LARGE1: variants seen among roughly 807,000 people sequenced by gnomAD.
The protein encoded by LARGE1 is LARGE xylosyl- and glucuronyltransferase 1.
A neutral mutation model predicts 87.6 loss-of-function variants in LARGE1; 43 were observed. That is an observed-to-expected ratio of 0.49 (90% confidence interval 0.38 to 0.63). The LOEUF (loss-of-function observed/expected upper bound fraction) is 0.63. LARGE1 is among the 30% of genes least tolerant of loss of function. The pLI is 0.00. For missense variants in LARGE1, 802 were observed against 1,000.2 expected (o/e 0.80, Z 2.67); for synonymous variants, 434 against 394.6 (o/e 1.10, Z -1.18).
chr22:33,852,101 C>G (rs2063599758), intron 1 of LARGE1, among the ~76,000 whole-genome samples: 1 of 152,154 alleles, frequency 6.6e-6, no homozygotes, highest in South Asian at 2.1e-4. Flanking sequence ...TGGCTCTAAG[C>G]AGATAGCAGC....
intron 2 of LARGE1, among the ~76,000 whole-genome samples, chr22:33,694,377 C>T (rs1009093810): frequency 1.3e-5 from 2 of 152,212 alleles, no homozygotes; most frequent in Admixed American, 6.5e-5. Context: ...GTCCCTGTCA[C>T]AGTGTCACAC....
intron 6 of LARGE1, among the ~76,000 whole-genome samples, chr22:33,541,201 GAAAAAAA>G (rs11368503): frequency 7.5e-6 from 1 of 133,714 alleles, no homozygotes; most frequent in African/African-American, 2.8e-5. Context: ...GGGAAAAAAA[GAAAAAAA>G]AAAAAAAAGA....
At chr22:33,688,594 G>T (rs1283650790) in intron 2 of LARGE1, among the ~76,000 whole-genome samples, 1 of 152,088 alleles carries the variant, frequency 6.6e-6, no homozygotes, top group African/African-American at 2.4e-5. Flanking sequence ...CAGGTCATCT[G>T]CCTGCCTTGG....
chr22:33,578,971 G>C (rs2078432524), intron 5 of LARGE1, among the ~76,000 whole-genome samples: 1 of 152,196 alleles, frequency 6.6e-6, no homozygotes, highest in African/African-American at 2.4e-5. Context: ...CAAGTGGCCA[G>C]TAACGCTCTA....
At chr22:33,438,292 A>G (rs5998942) in intron 6 of LARGE1, among the ~76,000 whole-genome samples, 18 of 152,282 alleles carry the variant, frequency 1.2e-4, no homozygotes, top group African/African-American at 4.3e-4. Context: ...TGGCTTGCTC[A>G]GCATTCTGCA....
intron 11 of LARGE1, among the ~76,000 whole-genome samples, chr22:33,186,734 CAAAGT>C (rs910966366): frequency 5.9e-5 from 9 of 151,940 alleles, no homozygotes; most frequent in South Asian, 2.1e-4. Context: ...AAATCAAAAA[CAAAGT>C]AAAGTAAAAA....
At chr22:33,631,311 T>C (rs899920081) in intron 3 of LARGE1, among the ~76,000 whole-genome samples, 2 of 152,286 alleles carry the variant, frequency 1.3e-5, no homozygotes, top group African/African-American at 4.8e-5. Context: ...GGGACTATAA[T>C]TGCACACCAC....
rs143893865 is a variant in LARGE1 at position 33,205,005 on chromosome 22, G to A, written c.1731-38173C>T. ...AATAAATGAATAAAGAAATGAAAAC[G>A]AATGGACAAGCATGGAGGACATATT... is the stretch of plus-strand genomic sequence containing the variant. On this transcript the variant is annotated intron_variant, in intron 11 of 11. Coordinates refer to the LARGE1 transcript ENST00000608642. Among the ~76,000 whole-genome samples the A allele has an allele frequency of 6.9e-3, 1,050 of 151,196 alleles. 11 individuals are homozygous for A. The highest frequency in any genetic ancestry group is 0.024 in the African/African-American group (1,000 of 40,998).
chr22:33,599,418 A>G (rs1290148343), intron 5 of LARGE1, among the ~76,000 whole-genome samples: 3 of 152,116 alleles, frequency 2.0e-5, no homozygotes, highest in African/African-American at 4.8e-5. Context: ...TGGAGTTCAG[A>G]GCAGAGGTAC....
At chr22:33,583,887 A>C (rs1379857173) in intron 5 of LARGE1, among the ~76,000 whole-genome samples, 2 of 152,166 alleles carry the variant, frequency 1.3e-5, no homozygotes, top group Non-Finnish European at 1.5e-5. Context: ...TAGGCATTCC[A>C]TTTATTTGCT....
chr22:33,600,011 T>C (rs918575143), intron 5 of LARGE1, among the ~76,000 whole-genome samples: 1 of 152,184 alleles, frequency 6.6e-6, no homozygotes, highest in Non-Finnish European at 1.5e-5. Context: ...GCCTTATCTA[T>C]GCGACTTCAG....
chr22:33,579,883 G>C (rs557197429), intron 5 of LARGE1, among the ~76,000 whole-genome samples: 1 of 152,276 alleles, frequency 6.6e-6, no homozygotes, highest in African/African-American at 2.4e-5. Context: ...TAATAGCACA[G>C]CTCTGTAACT....
chr22:33,624,551 A>C (rs971120127), intron 4 of LARGE1, among the ~76,000 whole-genome samples: 3 of 152,108 alleles, frequency 2.0e-5, no homozygotes, highest in African/African-American at 7.2e-5. Context: ...GAGCAGCATA[A>C]CCAGACACAA....
chr22:33,855,272 T>C (rs2063725069), intron 1 of LARGE1, among the ~76,000 whole-genome samples: 1 of 152,032 alleles, frequency 6.6e-6, no homozygotes, highest in Non-Finnish European at 1.5e-5. Flanking sequence ...AGGCGGAGCT[T>C]GCAGTGAGCG....
intron 1 of LARGE1, among the ~76,000 whole-genome samples, chr22:33,806,298 G>A (rs986980802): frequency 6.6e-6 from 1 of 152,202 alleles, no homozygotes; most frequent in Non-Finnish European, 1.5e-5. Flanking sequence ...ATCAGATACC[G>A]AAACCAAAAC....
chr22:33,707,087 T>C (rs1417105679), intron 2 of LARGE1, among the ~76,000 whole-genome samples: 1 of 152,194 alleles, frequency 6.6e-6, no homozygotes, highest in Admixed American at 6.5e-5. Flanking sequence ...AAGAATTCTG[T>C]CATCTTCAGT....
chr22:33,211,863 T>G (rs1434634035), intron 11 of LARGE1, among the ~76,000 whole-genome samples: 4 of 152,200 alleles, frequency 2.6e-5, no homozygotes, highest in Non-Finnish European at 5.9e-5. Flanking sequence ...GTCTGAGTGA[T>G]CTGAATAAAG....
intron 11 of LARGE1, among the ~76,000 whole-genome samples, chr22:33,248,724 A>G (rs1227645474): frequency 3.3e-5 from 5 of 151,234 alleles, no homozygotes; most frequent in Admixed American, 6.6e-5. Context: ...AACTCCCAAC[A>G]CTCCCTCCAC....
chr22:33,452,723 G>C (rs935685604), intron 6 of LARGE1, among the ~76,000 whole-genome samples: 1 of 152,326 alleles, frequency 6.6e-6, no homozygotes, highest in Middle Eastern at 3.4e-3. Context: ...ACATAAAGGA[G>C]ACTGCATAGA....
Sources: allele counts gnomAD v4.1 joint callset (sites outside exome capture counted in the v4.1 genomes callset), GRCh38; gene constraint gnomAD v4.1.1; transcripts MANE v1.5; gene names NCBI Gene and HGNC (gene_info 2026-07-23, HGNC 2026-07-21).